The following HSPG2 variants were observed in gnomAD, a reference collection of about 807,000 sequenced individuals.
HSPG2 encodes heparan sulfate proteoglycan 2.
In HSPG2, 278 loss-of-function variants were observed where a neutral mutation model predicts 526.6. The ratio of observed to expected loss-of-function variants is 0.53; its 90% CI spans 0.48 to 0.58. The LOEUF (loss-of-function observed/expected upper bound fraction) is 0.58, where lower values mean the gene tolerates loss of function less well. HSPG2 is among the 20% of genes least tolerant of loss of function. The pLI, the probability that HSPG2 is intolerant of heterozygous loss-of-function variation, is 0.00. For missense variants in HSPG2, 5,354 were observed against 6,099.5 expected, an observed-to-expected ratio of 0.88 and a Z score of 4.07; for synonymous variants, 2,465 against 2,555.4, an observed-to-expected ratio of 0.96 and a Z score of 1.07.
At position 21,880,116 on chromosome 1, in the gene HSPG2, G is replaced by T. The variant is rs748599770; in HGVS notation, c.2334C>A (p.Gly778=). 2.5e-6 allele frequency: 4 copies of T among 1,614,136 alleles called. No homozygotes were observed. The East Asian group carries it at 8.9e-5, about 36-fold the overall frequency. The change falls in exon 17 of 97, where the codon GGC becomes GGA. Residue 778 remains glycine, a synonymous_variant. Coordinates refer to ENST00000374695, the MANE Select transcript of HSPG2 (RefSeq NM_005529.7). The part of the protein sequence containing the change: ...GHASSCDPVY[G]HCLNCQHNTE... ...TGCTGGCACTACTCACCAGGCAGTGGCCATACACAGGGTCACAGGAGCTGG... is the reference window on the plus strand; with the variant it reads ...TGCTGGCACTACTCACCAGGCAGTGTCCATACACAGGGTCACAGGAGCTGG...
Position 21,843,353 on chromosome 1 carries a change from G to A in HSPG2, c.8702C>T (p.Thr2901Ile). The A allele has an allele frequency of 1.2e-6, 2 of 1,614,128 alleles. No individual in the cohort carries two copies. The highest frequency in any genetic ancestry group is 1.3e-5 in the African/African-American group (1 of 75,052). Residue 2901 changes from threonine to isoleucine, a missense_variant, in exon 66 of 97, where the codon ACC (threonine) becomes ATC (isoleucine). By Grantham distance (89) the Thr-to-Ile change is moderately conservative. Coordinates refer to ENST00000374695, the MANE Select transcript of HSPG2 (RefSeq NM_005529.7). ...YSCQVTGSSG[T>I]LEASVLVTIE... is the part of the protein sequence containing the mutation. ...TGTGACCAGGACAGATGCCTCCAGGGTGCCTGAGCTTCCGGTCACTTGGCA... is the reference window on the plus strand; with the variant it reads ...TGTGACCAGGACAGATGCCTCCAGGATGCCTGAGCTTCCGGTCACTTGGCA...
At chr1:21,846,361 C>T (rs1441286792) in intron 63 of HSPG2, 87 bp downstream of exon 63, 27 of 1,605,978 alleles carry the variant, frequency 1.7e-5, no homozygotes, top group East Asian at 1.6e-4. Flanking sequence ...CTGCACCCCA[C>T]GGGGGCTCCT....
At chr1:21,906,618 C>T (rs1364069570) in intron 1 of HSPG2, among the ~76,000 whole-genome samples, 5 of 151,020 alleles carry the variant, frequency 3.3e-5, no homozygotes, top group South Asian at 2.1e-4. Context: ...CAGAAACTCT[C>T]GGATGGGAAT....
chr1:21,881,196 G>C (rs1641476297), intron 14 of HSPG2, 143 bp downstream of exon 14: 6 of 1,023,932 alleles, frequency 5.9e-6, no homozygotes, highest in Non-Finnish European at 9.1e-6. Flanking sequence ...TGCCCTGAAT[G>C]GATGAGCCGC....
At chr1:21,829,821 C>T in intron 86 of HSPG2, 172 bp downstream of exon 86, 1 of 728,190 alleles carries the variant, frequency 1.4e-6, no homozygotes, top group Non-Finnish European at 2.3e-6. Context: ...TTTGGGGGCC[C>T]TCACTCAATA....
At chr1:21,870,404 A>T in intron 33 of HSPG2, 1 of 491,146 alleles carries the variant, frequency 2.0e-6, no homozygotes, top group Non-Finnish European at 2.6e-6. Flanking sequence ...CGGACATGGT[A>T]GTCAGAAAGG....
chr1:21,850,238 T>A (rs780177854), intron 56 of HSPG2, 46 bp from the exon 57 acceptor site: 7 of 1,612,684 alleles, frequency 4.3e-6, no homozygotes, highest in South Asian at 1.1e-5. Context: ...GGAGGTGAGA[T>A]GAGATGGGGC....
Position 21,850,037 on chromosome 1 carries a change from C to T in HSPG2, c.7446+4G>A, listed in dbSNP as rs780953159. ...TTCAGGCTTCCTGAGCTCCTGCCTCCTACCTGGTGCCGGGCCGGGAGGCTG... is the reference window on the plus strand; with the variant it reads ...TTCAGGCTTCCTGAGCTCCTGCCTCTTACCTGGTGCCGGGCCGGGAGGCTG... On this transcript the variant is annotated splice_donor_region_variant and intron_variant, in intron 57 of 96. Transcript: ENST00000374695. The T allele has an allele frequency of 3.7e-6, 6 of 1,612,784 alleles. No homozygotes were observed. The highest frequency in any genetic ancestry group is 1.1e-5 in the South Asian group (1 of 91,070).
In HSPG2 at chr1:21,854,350, CA is replaced by C. The variant is rs753005955; in HGVS notation, c.6289-8del. 9 of 1,563,412 alleles carry C rather than the reference CA, an allele frequency of 5.8e-6. No individual in the cohort carries two copies. The highest frequency in any genetic ancestry group is 6.9e-6 in the Non-Finnish European group (8 of 1,153,542). On this transcript the variant is annotated splice_region_variant and splice_polypyrimidine_tract_variant and intron_variant, in intron 49 of 96. Coordinates refer to ENST00000374695, the MANE Select transcript of HSPG2 (RefSeq NM_005529.7). ...GCAGACGGGAGCCGTGCACCTGGGC[CA>C]GGAGGAGCCAGAGGTACGTGAGGAC... is the stretch of plus-strand genomic sequence containing the variant.
intron 91 of HSPG2, chr1:21,825,007 C>A: frequency 1.7e-6 from 1 of 579,270 alleles, no homozygotes; most frequent in Non-Finnish European, 3.1e-6. Flanking sequence ...TTGAGCAGTT[C>A]TTTCAATGAG....
intron 33 of HSPG2, chr1:21,869,517 GGAA>G (rs1640487308): frequency 1.7e-5 from 17 of 984,914 alleles, no homozygotes; most frequent in Non-Finnish European, 1.8e-5. Flanking sequence ...AGGAGGAGGA[GGAA>G]GAAGAAGGAG....
chr1:21,825,001 G>T, intron 91 of HSPG2: 1 of 588,342 alleles, frequency 1.7e-6, no homozygotes, highest in Non-Finnish European at 3.1e-6. Context: ...CTGAAATTGA[G>T]CAGTTCTTTC....
intron 13 of HSPG2, among the ~76,000 whole-genome samples, chr1:21,882,399 GTACA>G (rs1302889060): frequency 2.8e-5 from 3 of 107,008 alleles, no homozygotes; most frequent in African/African-American, 7.4e-5. Flanking sequence ...CCTCTTCTAT[GTACA>G]CACACACACA....
Position 21,895,041 on chromosome 1 carries a change from C to A in HSPG2, c.244+881G>T, listed in dbSNP as rs1237876578. Among the ~76,000 whole-genome samples, 1 of 152,238 alleles carries A rather than the reference C, an allele frequency of 6.6e-6. No homozygotes were observed. The highest frequency in any genetic ancestry group is 1.5e-5 in the Non-Finnish European group (1 of 68,030). On this transcript the variant is annotated intron_variant, in intron 3 of 96. Transcript: ENST00000374695. The surrounding 1 kb of genome is among the most constrained non-coding windows in gnomAD (Gnocchi z 4.1). ...TGGCATTTGAAGGCCCCGGATATGT[C>A]AGCTAAAGGGAGGTGACTCCACCCC...
At chr1:21,879,248 A>T in intron 17 of HSPG2, 127 bp from the exon 18 acceptor site, 2 of 1,061,168 alleles carry the variant, frequency 1.9e-6, no homozygotes, top group Non-Finnish European at 2.8e-6. Flanking sequence ...CAGACAGGGG[A>T]GCATCAACTG....
In HSPG2 at chr1:21,831,558, T is replaced by C. The variant is rs2098004026; in HGVS notation, c.11357A>G (p.Lys3786Arg). The change falls in exon 83 of 97, where the codon AAG (lysine) becomes AGG (arginine). Residue 3786 changes from lysine (K) to arginine (R), a missense_variant. Transcript: ENST00000374695. The stretch of plus-strand genomic sequence containing the variant: ...CTCGTTCAGATCCAGGCCCTGGAAC[T>C]TGCCCTGGGGAGGTGGGGAAGTCAG... ...LAPVNGTSQGKFQGLDLNEEL... is the reference protein window; with the variant it reads ...LAPVNGTSQGRFQGLDLNEEL... 1 of 1,614,032 alleles carries C rather than the reference T, an allele frequency of 6.2e-7. No individual in the cohort carries two copies. The highest frequency in any genetic ancestry group is 1.3e-5 in the African/African-American group (1 of 75,020).
chr1:21,878,165 G>A (rs760264037), intron 21 of HSPG2, 21 bp downstream of exon 21: 41 of 1,610,202 alleles, frequency 2.5e-5, no homozygotes, highest in Non-Finnish European at 3.3e-5. Context: ...CCCCTGGGTG[G>A]GTGGCAGATG....
chr1:21,878,734 G>A, intron 18 of HSPG2, 71 bp from the exon 19 acceptor site: 1 of 1,416,492 alleles, frequency 7.1e-7, no homozygotes, highest in Non-Finnish European at 1.0e-6. Flanking sequence ...CCTGGGAAAT[G>A]ACTGCTGTCT....
At chr1:21,909,361 G>C (rs1292347589) in intron 1 of HSPG2, among the ~76,000 whole-genome samples, 7 of 152,196 alleles carry the variant, frequency 4.6e-5, no homozygotes, top group African/African-American at 1.4e-4. Context: ...AGCAGACAGA[G>C]AGCACATGCT....
Sources: gnomAD v4.1 joint callset for allele counts (sites outside exome capture counted in the v4.1 genomes callset) on GRCh38, gnomAD v4.1.1 for gene constraint, Gnocchi (gnomAD v3.1) non-coding constraint, MANE v1.5 for transcripts, NCBI Gene and HGNC (gene_info 2026-07-23, HGNC 2026-07-21) for gene names.